The following MGST2 variants were observed in gnomAD, a reference collection of about 807,000 sequenced individuals.
MGST2 encodes glutathione peroxidase MGST2.
Under a neutral mutation model 16.6 loss-of-function variants are expected in MGST2, and 9 were observed. The observed-to-expected ratio is 0.54, with a 90% confidence interval of 0.33 to 0.95. MGST2 has a LOEUF of 0.95. MGST2 is among the 40% of genes least tolerant of loss of function. MGST2 has a pLI of 0.03. For missense variants in MGST2, 159 were observed against 175.1 expected (o/e 0.91, Z 0.52); for synonymous variants, 79 against 68.0 (o/e 1.16, Z -0.79).
At chr4:139,676,318 A>G (rs1730955239) in intron 1 of MGST2, among the ~76,000 whole-genome samples, 1 of 152,028 alleles carries the variant, frequency 6.6e-6, no homozygotes, top group Admixed American at 6.6e-5. Context: ...GTTGATGGAT[A>G]CTCTTGTGAG....
At chr4:139,695,315 T>G in intron 3 of MGST2, 48 bp downstream of exon 3, 1 of 1,444,798 alleles carries the variant, frequency 6.9e-7, no homozygotes, top group Admixed American at 1.7e-5. Flanking sequence ...ACTGTGATGC[T>G]TAAACGATTA....
chr4:139,718,742 A>G (rs549322436), intron 5 of MGST2: 6 of 153,662 alleles, frequency 3.9e-5, no homozygotes, highest in African/African-American at 9.6e-5. Flanking sequence ...CCTTTTGACA[A>G]TCTCACTGTT....
intron 5 of MGST2, among the ~76,000 whole-genome samples, chr4:139,729,100 G>A (rs1728594259): frequency 4.0e-5 from 6 of 150,484 alleles, no homozygotes; most frequent in Non-Finnish European, 8.8e-5. Context: ...GCTGCCAGGC[G>A]GCTGACTGAC....
chr4:139,704,160 C>T lies in MGST2; in HGVS notation c.*12C>T. 6.2e-7 allele frequency: 1 copy of T among 1,613,914 alleles called. No homozygotes were observed. The highest frequency in any genetic ancestry group is 1.1e-5 in the South Asian group (1 of 91,072). On this transcript the variant is annotated 3_prime_UTR_variant, in exon 5 of 5. Transcript: ENST00000265498. ...GGCGGCAATTCTAACTTTTTCTCTTCCCTTTAATACTTGCAGAAGCTGTTC... is the reference window on the plus strand; with the variant it reads ...GGCGGCAATTCTAACTTTTTCTCTTTCCTTTAATACTTGCAGAAGCTGTTC...
chr4:139,734,932 G>C (rs1728873537), intron 5 of MGST2, among the ~76,000 whole-genome samples: 1 of 152,246 alleles, frequency 6.6e-6, no homozygotes, highest in African/African-American at 2.4e-5. Flanking sequence ...GGCGTCCCTC[G>C]CCGGGGCAAC....
Position 139,722,046 on chromosome 4 carries a change from T to C in MGST2, c.*48+17850T>C, listed in dbSNP as rs959989246. Among the ~76,000 whole-genome samples, 4 of 152,292 alleles carry C rather than the reference T, an allele frequency of 2.6e-5. No individual in the cohort carries two copies. The South Asian group carries it at 8.3e-4, about 32-fold the overall frequency. ...AAACAGTCTGATGGGCTGCTAGAAA[T>C]AGATGAAAGGACATCTATAATTTGG... is the stretch of plus-strand genomic sequence containing the variant. On this transcript the variant is annotated intron_variant, in intron 5 of 5. Coordinates refer to the MGST2 transcript ENST00000616265.
chr4:139,675,123 C>T (rs1040393337), intron 1 of MGST2, among the ~76,000 whole-genome samples: 3 of 152,118 alleles, frequency 2.0e-5, no homozygotes, highest in Non-Finnish European at 4.4e-5. Flanking sequence ...TATAGGGAAC[C>T]GAACGTCTTG....
intron 5 of MGST2, among the ~76,000 whole-genome samples, chr4:139,725,101 C>T (rs937529796): frequency 1.3e-5 from 2 of 152,138 alleles, no homozygotes; most frequent in Non-Finnish European, 2.9e-5. Flanking sequence ...GATATTTGAA[C>T]GGGCCTTCCA....
chr4:139,729,946 T>C (rs1191377496), intron 5 of MGST2, among the ~76,000 whole-genome samples: 1 of 152,258 alleles, frequency 6.6e-6, no homozygotes, highest in African/African-American at 2.4e-5. Flanking sequence ...CTGCTATTGT[T>C]CCTGATCCAT....
intron 2 of MGST2, among the ~76,000 whole-genome samples, chr4:139,691,823 C>T (rs958179761): frequency 2.6e-5 from 4 of 152,138 alleles, no homozygotes; most frequent in South Asian, 2.1e-4. Flanking sequence ...CTTAGTCTCC[C>T]GAGTAACTGG....
chr4:139,666,138 A>G, intron 1 of MGST2, 61 bp downstream of exon 1: 1 of 1,466,628 alleles, frequency 6.8e-7, no homozygotes, highest in Non-Finnish European at 9.5e-7. Context: ...GTGTGTGACA[A>G]GGCTTGCGGG....
chr4:139,741,290 G>A (rs151070258), downstream of MGST2, among the ~76,000 whole-genome samples: 296 of 152,294 alleles, frequency 1.9e-3, 1 homozygote, highest in African/African-American at 6.8e-3. Flanking sequence ...TACCTGGTCC[G>A]TGAGGGCCTA....
intron 5 of MGST2, among the ~76,000 whole-genome samples, chr4:139,737,369 G>A (rs939995940): frequency 2.3e-5 from 2 of 85,414 alleles, no homozygotes; most frequent in Non-Finnish European, 5.7e-5. Flanking sequence ...TCTGGTGGTG[G>A]CGTCTCTGGG....
intron 1 of MGST2, among the ~76,000 whole-genome samples, chr4:139,675,121 A>G (rs1325267091): frequency 1.3e-5 from 2 of 152,180 alleles, no homozygotes; most frequent in Non-Finnish European, 2.9e-5. Flanking sequence ...TCTATAGGGA[A>G]CCGAACGTCT....
At chr4:139,705,843 C>A (rs891695588), downstream of MGST2, 2 of 151,950 alleles carry the variant, frequency 1.3e-5, no homozygotes, top group Non-Finnish European at 2.9e-5. Flanking sequence ...CTGTTCTGAC[C>A]CTGAAGTGCA....
intron 2 of MGST2, among the ~76,000 whole-genome samples, chr4:139,682,242 TA>T (rs10711495): frequency 0.5 from 71,758 of 144,266 alleles, 17,648 homozygotes; most frequent in Admixed American, 0.63. Context: ...TAATTGGTGC[TA>T]AAAAAAAAAA....
intron 5 of MGST2, among the ~76,000 whole-genome samples, chr4:139,724,686 A>C (rs1365209178): frequency 6.6e-6 from 1 of 151,390 alleles, no homozygotes; most frequent in Non-Finnish European, 1.5e-5. Flanking sequence ...CTGCTAGGTG[A>C]CCCCTGTAGC....
chr4:139,751,188 A>G, the MGST2 span, among the ~76,000 whole-genome samples: 5 of 152,100 alleles, frequency 3.3e-5, no homozygotes, highest in Admixed American at 6.5e-5. Flanking sequence ...TAAATATAAC[A>G]TTTTCCCATT....
chr4:139,716,611 T>A (rs919470747), intron 5 of MGST2: 1 of 152,608 alleles, frequency 6.6e-6, no homozygotes, highest in Non-Finnish European at 1.5e-5. Flanking sequence ...GAATGATTGA[T>A]CTCTCCCATT....
Sources: allele counts gnomAD v4.1 joint callset (sites outside exome capture counted in the v4.1 genomes callset), GRCh38; gene constraint gnomAD v4.1.1; transcripts MANE v1.5; gene names NCBI Gene and HGNC (gene_info 2026-07-23, HGNC 2026-07-21).